RAB9B: variants seen among roughly 807,000 people sequenced by gnomAD.
RAB9B encodes RAB9B, member RAS oncogene family.
A neutral mutation model predicts 8.9 loss-of-function variants in RAB9B; 1 was observed. The observed-to-expected ratio is 0.11, with a 90% CI of 0.04 to 0.53. The LOEUF (loss-of-function observed/expected upper bound fraction) is 0.53. Ranked by LOEUF, RAB9B falls within the 20% of genes least tolerant of loss-of-function variation. RAB9B has a pLI of 0.93. For missense variants in RAB9B, 82 were observed against 152.9 expected (o/e 0.54, Z 2.45); for synonymous variants, 63 against 57.0 (o/e 1.10, Z -0.47).
the RAB9B span, among the ~76,000 whole-genome samples, chrX:103,784,616 T>A: frequency 1.8e-5 from 2 of 112,037 alleles, no homozygotes; most frequent in African/African-American, 6.5e-5. Context: ...TCCAGGAGCA[T>A]CCAATTTCCA....
chrX:103,808,714 G>T, the RAB9B span, among the ~76,000 whole-genome samples: 1 of 112,875 alleles, frequency 8.9e-6, no homozygotes, highest in African/African-American at 3.2e-5. Context: ...AGACAGGAAG[G>T]CTGGGGAGCC....
At chrX:103,793,286 G>A in the RAB9B span, among the ~76,000 whole-genome samples, 3 of 111,780 alleles carry the variant, frequency 2.7e-5, no homozygotes, top group Non-Finnish European at 5.6e-5. Flanking sequence ...TGGCACCCTT[G>A]GACAGCACTC....
At chrX:103,782,338 C>T in the RAB9B span, among the ~76,000 whole-genome samples, 1 of 112,167 alleles carries the variant, frequency 8.9e-6, no homozygotes, top group African/African-American at 3.2e-5. Flanking sequence ...TTGTCCCTTG[C>T]TTTGAGCTGT....
chrX:103,794,511 C>T, the RAB9B span, among the ~76,000 whole-genome samples: 2 of 111,296 alleles, frequency 1.8e-5, no homozygotes, highest in Non-Finnish European at 3.8e-5. Context: ...TCTATCCAGG[C>T]TAAGTCTGAG....
At chrX:103,783,201 T>G in the RAB9B span, among the ~76,000 whole-genome samples, 1 of 112,480 alleles carries the variant, frequency 8.9e-6, no homozygotes, top group African/African-American at 3.2e-5. Flanking sequence ...TATACATGTG[T>G]GTATGTGCAC....
the RAB9B span, chrX:103,789,061 C>T: frequency 2.6e-6 from 1 of 386,827 alleles, no homozygotes; most frequent in Non-Finnish European, 4.5e-6. Flanking sequence ...AATTTTGGGC[C>T]CCTGGGCACA....
chrX:103,792,695 T>C, the RAB9B span: 1 of 112,611 alleles, frequency 8.9e-6, no homozygotes. Context: ...TTCAAGGAGA[T>C]CATTCATTTT....
the RAB9B span, among the ~76,000 whole-genome samples, chrX:103,796,964 G>A: frequency 9.3e-6 from 1 of 107,209 alleles, no homozygotes; most frequent in Non-Finnish European, 1.9e-5. Context: ...GAGGCTGCGG[G>A]TGCAGTGAGC....
chrX:103,818,004 T>A (rs1438646645), downstream of RAB9B, among the ~76,000 whole-genome samples: 1 of 111,459 alleles, frequency 9.0e-6, no homozygotes, highest in Non-Finnish European at 1.9e-5. Flanking sequence ...TGGCAGTATA[T>A]TTTTAAAATA....
At chrX:103,815,263 C>T in the RAB9B span, among the ~76,000 whole-genome samples, 1 of 112,182 alleles carries the variant, frequency 8.9e-6, no homozygotes, top group Non-Finnish European at 1.9e-5. Flanking sequence ...TGGCTTCATC[C>T]CTGGGATGCA....
chrX:103,825,560 G>A lies in RAB9B; in HGVS notation c.225C>T (p.Pro75=), dbSNP rs758680075. ...GGCAGCAGTCTGCTCCCCTGTAGAA[G>A]GGTGTCCTAAGGCTCTTGAAACGTT... The part of the protein sequence containing the change: ...GQERFKSLRT[P]FYRGADCCLL... The change falls in exon 3 of 3, where the codon CCC becomes CCT. Residue 75 remains proline, a synonymous_variant. Transcript: ENST00000243298. The A allele has an allele frequency of 3.3e-6, 4 of 1,212,045 alleles. No individual in the cohort carries two copies. Among genetic ancestry groups the A allele is most frequent in the South Asian group, 1.8e-5 (1 of 57,002 alleles).
At chrX:103,781,122 G>A in the RAB9B span, 2 of 225,871 alleles carry the variant, frequency 8.9e-6, no homozygotes, top group East Asian at 2.2e-4. Context: ...CATTCCTTTC[G>A]ATGAAAGCCC....
At chrX:103,788,518 G>T in the RAB9B span, 26 of 1,146,397 alleles carry the variant, frequency 2.3e-5, no homozygotes, top group Middle Eastern at 2.4e-4. Flanking sequence ...GAGGTGAGTG[G>T]GTTATTTGGG....
At chrX:103,792,076 G>C in the RAB9B span, 34 of 110,035 alleles carry the variant, frequency 3.1e-4, no homozygotes, top group Non-Finnish European at 5.1e-4. Context: ...GACCTGAATA[G>C]CTCCCAGATT....
chrX:103,804,737 T>A, the RAB9B span, among the ~76,000 whole-genome samples: 1 of 112,057 alleles, frequency 8.9e-6, no homozygotes, highest in Non-Finnish European at 1.9e-5. Flanking sequence ...ACTCTTGCAC[T>A]TTTTTGTCAA....
At chrX:103,810,143 G>A in the RAB9B span, among the ~76,000 whole-genome samples, 3 of 111,545 alleles carry the variant, frequency 2.7e-5, no homozygotes, top group African/African-American at 9.8e-5. Context: ...TAAGGGGCCA[G>A]GAAAGAACTC....
chrX:103,822,776 TA>T lies in RAB9B; in HGVS notation c.*2402del, dbSNP rs1368652135. ...ACAGATTTCAGCCTTTGGTGTTTTT[TA>T]ATCTTACCCAAACTGTATGTCAGCA... is the stretch of plus-strand genomic sequence containing the variant. On this transcript the variant is annotated 3_prime_UTR_variant, in exon 3 of 3. Transcript: ENST00000243298. The T allele has an allele frequency of 8.9e-6, 1 of 111,749 alleles. No homozygotes were observed. Among genetic ancestry groups the T allele is most frequent in the Non-Finnish European group, 1.9e-5 (1 of 53,190 alleles). 9.2% of individuals were successfully genotyped at this position (111,749 alleles called of 1,213,427 possible).
In RAB9B at chrX:103,825,417, C is replaced by A. The variant is rs771608148; in HGVS notation, c.368G>T (p.Gly123Val). The A allele has an allele frequency of 1.7e-6, 2 of 1,209,966 alleles. No individual in the cohort carries two copies. Residue 123 changes from glycine (G) to valine (V), a missense_variant, in exon 3 of 3, where the codon GGT becomes GTT. Transcript: ENST00000243298. Reference sequence around the variant, plus strand: ...CCTATCCTCTTTGTCTACCTTGTTACCCAGAACTACAAAGGGGAAATGCTC... The same window carrying A: ...CCTATCCTCTTTGTCTACCTTGTTAACCAGAACTACAAAGGGGAAATGCTC... Reference protein sequence around the residue: ...DPEHFPFVVLGNKVDKEDRQV... With the variant: ...DPEHFPFVVLVNKVDKEDRQV...
chrX:103,799,021 A>AATAT, the RAB9B span, among the ~76,000 whole-genome samples: 9 of 107,549 alleles, frequency 8.4e-5, no homozygotes, highest in East Asian at 2.8e-4. Context: ...TGTTACTTTA[A>AATAT]ATATATATAT....
Sources: gnomAD v4.1 joint callset for allele counts (sites outside exome capture counted in the v4.1 genomes callset) on GRCh38, gnomAD v4.1.1 for gene constraint, MANE v1.5 for transcripts, NCBI Gene and HGNC (gene_info 2026-07-23, HGNC 2026-07-21) for gene names.